E2F1: variants seen among roughly 807,000 people sequenced by gnomAD.
The protein encoded by E2F1 is E2F transcription factor 1.
E2F1 carries 7 observed loss-of-function variants against 36.9 expected under a neutral mutation model. That is an observed-to-expected ratio of 0.19 (90% CI 0.11 to 0.36). The LOEUF is 0.36. Ranked by LOEUF, E2F1 falls within the 10% of genes least tolerant of loss-of-function variation. The probability of loss-of-function intolerance (pLI) is 1.00; values close to 1 mark genes in which losing one functional copy is unlikely to be tolerated. For synonymous variants in E2F1, 261 were observed against 263.1 expected, an observed-to-expected ratio of 0.99 and a Z score of 0.08; for missense variants, 406 against 573.6, an observed-to-expected ratio of 0.71 and a Z score of 2.99.
intron 2 of E2F1, 147 bp downstream of exon 2, chr20:33,680,179 T>C (rs947586375): frequency 1.1e-6 from 1 of 943,044 alleles, no homozygotes; most frequent in Admixed American, 2.5e-5. Context: ...CCAAGCCAGG[T>C]GGCCACTCCA....
chr20:33,677,851 G>A (rs1296670203), intron 4 of E2F1, among the ~76,000 whole-genome samples: 2 of 152,180 alleles, frequency 1.3e-5, no homozygotes, highest in African/African-American at 2.4e-5. Flanking sequence ...CTGGAGTGAT[G>A]TGGCTCAACC....
chr20:33,684,577 G>A (rs2018047848), intron 1 of E2F1, among the ~76,000 whole-genome samples: 1 of 152,202 alleles, frequency 6.6e-6, no homozygotes, highest in Admixed American at 6.5e-5. Context: ...AACATCTCTA[G>A]GCCTCAGCTT....
intron 1 of E2F1, among the ~76,000 whole-genome samples, chr20:33,681,959 G>T (rs928238880): frequency 2.0e-5 from 3 of 152,134 alleles, no homozygotes; most frequent in Admixed American, 6.6e-5. Flanking sequence ...CGTTTTCCCA[G>T]AAATCTAGAC....
Position 33,680,558 on chromosome 20 carries a change from G to A in E2F1, c.262-142C>T. On this transcript the variant is annotated intron_variant, in intron 1 of 6. Coordinates refer to ENST00000343380, the MANE Select transcript of E2F1 (RefSeq NM_005225.3). ...TGTGTGACTGAGGGAGATCAGAGGGGACATAGCCTGAGAGTCACAGTCCTA... is the reference window on the plus strand; with the variant it reads ...TGTGTGACTGAGGGAGATCAGAGGGAACATAGCCTGAGAGTCACAGTCCTA... The A allele has an allele frequency of 6.1e-6, 4 of 657,736 alleles. No individual in the cohort carries two copies. The South Asian group carries it at 7.5e-5, about 12-fold the overall frequency. The allele number at this position is 657,736 out of a possible 1,614,324, so 40.7% of individuals were successfully genotyped here. A position where few individuals can be genotyped will look rare whatever the true frequency, so the allele number is the denominator to read the frequency against.
chr20:33,676,565 C>T lies in E2F1; in HGVS notation c.*167G>A. 3.9e-6 allele frequency: 4 copies of T among 1,037,000 alleles called. No individual in the cohort carries two copies. Among genetic ancestry groups the T allele is most frequent in the South Asian group, 1.9e-5 (1 of 52,170 alleles). 64.2% of individuals were successfully genotyped at this position (1,037,000 alleles called of 1,614,324 possible). On this transcript the variant is annotated 3_prime_UTR_variant, in exon 7 of 7. Coordinates refer to ENST00000343380, the MANE Select transcript of E2F1 (RefSeq NM_005225.3). ...CTCCTTCCCTTCCTGGCTTGCTCAGCCTCCTAGCGGTAGCCAGACCCCAGA... is the reference window on the plus strand; with the variant it reads ...CTCCTTCCCTTCCTGGCTTGCTCAGTCTCCTAGCGGTAGCCAGACCCCAGA...
At chr20:33,685,956 CG>C in intron 1 of E2F1, 47 bp downstream of exon 1, 4 of 1,112,122 alleles carry the variant, frequency 3.6e-6, no homozygotes, top group Non-Finnish European at 3.3e-6. Flanking sequence ...CGGGTCTGCG[CG>C]GGGGGCACAG....
chr20:33,677,980 A>ATTAATATC (rs1368723656), intron 4 of E2F1, among the ~76,000 whole-genome samples: 2 of 152,150 alleles, frequency 1.3e-5, no homozygotes, highest in African/African-American at 2.4e-5. Flanking sequence ...TTTAATCTGT[A>ATTAATATC]CAATTTCAGA....
intron 2 of E2F1, 77 bp from the exon 3 acceptor site, chr20:33,680,051 G>C: frequency 7.9e-7 from 1 of 1,268,710 alleles, no homozygotes; most frequent in Non-Finnish European, 1.1e-6. Context: ...CACTCTGGCA[G>C]TGCAGGGCAG....
chr20:33,682,415 C>T (rs934509916), intron 1 of E2F1, among the ~76,000 whole-genome samples: 7 of 152,160 alleles, frequency 4.6e-5, no homozygotes, highest in Admixed American at 3.3e-4. Flanking sequence ...GAGAGGTGGA[C>T]CCAGGACTTG....
chr20:33,677,298 G>T lies in E2F1; in HGVS notation c.873C>A (p.Gly291=). ...NFQISLKSKQ[G]PIDVFLCPEE... is the part of the protein sequence containing the mutation. ...CAGGGCACAGGAAAACATCGATCGG[G>T]CCTTGTTTGCTCTTAAGGGAGATCT... is the stretch of plus-strand genomic sequence containing the variant. Residue 291 remains glycine (G), a synonymous_variant, in exon 6 of 7, where the codon GGC becomes GGA. Transcript: ENST00000343380. The T allele has an allele frequency of 1.2e-6, 2 of 1,614,074 alleles. No individual in the cohort carries two copies. The highest frequency in any genetic ancestry group is 2.2e-5 in the East Asian group (1 of 44,872).
intron 1 of E2F1, among the ~76,000 whole-genome samples, chr20:33,683,837 T>C (rs1265874027): frequency 3.3e-5 from 5 of 152,228 alleles, no homozygotes; most frequent in African/African-American, 9.6e-5. Context: ...ATTATAGTTA[T>C]AATACTTGAG....
Position 33,679,409 on chromosome 20 carries a change from T to C in E2F1, c.572+346A>G, listed in dbSNP as rs2122545681. Among the ~76,000 whole-genome samples, 1 of 152,288 alleles carries C rather than the reference T, an allele frequency of 6.6e-6. No homozygotes were observed. On this transcript the variant is annotated intron_variant, in intron 3 of 6. Coordinates refer to ENST00000343380, the MANE Select transcript of E2F1 (RefSeq NM_005225.3). The surrounding 1 kb of genome is among the most constrained non-coding windows in gnomAD (Gnocchi z 4.6). ...AAATACAAAAAGTAGCTGGGCATGG[T>C]GGCAGGCGCCTGTATCCCCAGCTAT... is the stretch of plus-strand genomic sequence containing the variant.
intron 1 of E2F1, among the ~76,000 whole-genome samples, chr20:33,684,839 C>T (rs2018051146): frequency 6.6e-6 from 1 of 152,100 alleles, no homozygotes; most frequent in Non-Finnish European, 1.5e-5. Context: ...GCTTCTACCT[C>T]CTTGTCCTGA....
At chr20:33,683,456 A>G (rs985260844) in intron 1 of E2F1, among the ~76,000 whole-genome samples, 2 of 150,348 alleles carry the variant, frequency 1.3e-5, no homozygotes, top group East Asian at 1.9e-4. Flanking sequence ...ATCTCAAAAA[A>G]AAAAAAAAAA....
At position 33,676,609 on chromosome 20, in the gene E2F1, C is replaced by T; in HGVS notation, c.*123G>A. ...CCCCAGAGCTAGAAGCTTCTGGAGACAGAGGAGAGGGGTATAAATTAAATG... is the reference window on the plus strand; with the variant it reads ...CCCCAGAGCTAGAAGCTTCTGGAGATAGAGGAGAGGGGTATAAATTAAATG... On this transcript the variant is annotated 3_prime_UTR_variant, in exon 7 of 7. Transcript: ENST00000343380. 3 of 1,381,216 alleles carry T rather than the reference C, an allele frequency of 2.2e-6. No homozygotes were observed. Among genetic ancestry groups the T allele is most frequent in the Non-Finnish European group, 2.9e-6 (3 of 1,042,144 alleles). The allele number at this position is 1,381,216 out of a possible 1,614,324, so 85.6% of individuals were successfully genotyped here.
Position 33,676,728 on chromosome 20 carries a change from C to G in E2F1, c.*4G>C. 4 of 1,606,346 alleles carry G rather than the reference C, an allele frequency of 2.5e-6. No individual in the cohort carries two copies. The South Asian group carries it at 4.5e-5, about 18-fold the overall frequency. Reference sequence around the variant, plus strand: ...TCTGGAAACCCTGGTCCCTCCAAGCCCTGTCAGAAATCCAGGGGGGTGAGG... The same window carrying G: ...TCTGGAAACCCTGGTCCCTCCAAGCGCTGTCAGAAATCCAGGGGGGTGAGG... On this transcript the variant is annotated 3_prime_UTR_variant, in exon 7 of 7. Coordinates refer to ENST00000343380, the MANE Select transcript of E2F1 (RefSeq NM_005225.3).
rs2017959535 is a variant in E2F1 at position 33,676,559 on chromosome 20, G to C, written c.*173C>G. ...CACAGACTCCTTCCCTTCCTGGCTTGCTCAGCCTCCTAGCGGTAGCCAGAC... is the reference window on the plus strand; with the variant it reads ...CACAGACTCCTTCCCTTCCTGGCTTCCTCAGCCTCCTAGCGGTAGCCAGAC... On this transcript the variant is annotated 3_prime_UTR_variant, in exon 7 of 7. Coordinates refer to ENST00000343380, the MANE Select transcript of E2F1 (RefSeq NM_005225.3). 13 of 946,518 alleles carry C rather than the reference G, an allele frequency of 1.4e-5. No homozygotes were observed. Among genetic ancestry groups the C allele is most frequent in the South Asian group, 2.0e-5 (1 of 50,130 alleles). 58.6% of individuals were successfully genotyped at this position (946,518 alleles called of 1,614,324 possible). A position where few individuals can be genotyped will look rare whatever the true frequency, so the allele number is the denominator to read the frequency against.
chr20:33,678,694 C>T (rs954688508), intron 3 of E2F1, among the ~76,000 whole-genome samples: 4 of 152,004 alleles, frequency 2.6e-5, no homozygotes, highest in Non-Finnish European at 4.4e-5. Context: ...TGGCTTATAC[C>T]TATAATCCCA....
At chr20:33,677,619 A>C (rs1601185211) in intron 4 of E2F1, 79 bp from the exon 5 acceptor site, 5 of 1,096,810 alleles carry the variant, frequency 4.6e-6, no homozygotes, top group Non-Finnish European at 1.4e-6. Context: ...CAGGGCTCAC[A>C]CCTGCCTAGT....
Sources: gnomAD v4.1 joint callset for allele counts (sites outside exome capture counted in the v4.1 genomes callset) on GRCh38, gnomAD v4.1.1 for gene constraint, Gnocchi (gnomAD v3.1) non-coding constraint, MANE v1.5 for transcripts, NCBI Gene and HGNC (gene_info 2026-07-23, HGNC 2026-07-21) for gene names.